The following HTT variants were observed in gnomAD, a reference collection of about 807,000 sequenced individuals.
HTT encodes huntington disease protein.
Under a neutral mutation model 362.3 loss-of-function variants are expected in HTT, and 104 were observed. That is an observed-to-expected ratio of 0.29 (90% CI 0.24 to 0.34). HTT has a LOEUF of 0.34. Ranked by LOEUF, HTT falls within the 10% of genes least tolerant of loss-of-function variation. The pLI, the probability that HTT is intolerant of heterozygous loss-of-function variation, is 1.00. For synonymous variants in HTT, 1,577 were observed against 1,548.7 expected (o/e 1.02, Z -0.43); for missense variants, 3,301 against 3,928.6 (o/e 0.84, Z 4.27).
At chr4:3,217,190 A>G (rs1184752587) in intron 51 of HTT, among the ~76,000 whole-genome samples, 2 of 152,108 alleles carry the variant, frequency 1.3e-5, no homozygotes, top group Non-Finnish European at 2.9e-5. Flanking sequence ...AACAAATCAT[A>G]TTTTAGTAGG....
intron 6 of HTT, among the ~76,000 whole-genome samples, chr4:3,109,700 A>G (rs1714636509): frequency 6.6e-6 from 1 of 151,996 alleles, no homozygotes; most frequent in South Asian, 2.1e-4. Flanking sequence ...ATTTGATGAG[A>G]AAGCTGTGTT....
chr4:3,141,491 G>A (rs1195600472), intron 22 of HTT, among the ~76,000 whole-genome samples: 13 of 152,114 alleles, frequency 8.5e-5, no homozygotes, highest in African/African-American at 2.7e-4. Flanking sequence ...GGCTGGGTGC[G>A]GTGGCTCACG....
intron 18 of HTT, among the ~76,000 whole-genome samples, chr4:3,133,745 AC>A (rs1454440828): frequency 6.6e-6 from 1 of 152,120 alleles, no homozygotes; most frequent in Non-Finnish European, 1.5e-5. Flanking sequence ...AAAGCAAAAA[AC>A]CTACAATTGT....
chr4:3,140,640 G>A lies in HTT; in HGVS notation c.2929G>A (p.Val977Ile), dbSNP rs758715607. 8.1e-6 allele frequency: 13 copies of A among 1,613,904 alleles called. No individual in the cohort carries two copies. The East Asian group carries it at 8.9e-5, about 11-fold the overall frequency. ...GACGCAGCCTCCATCTCATTTCTCC[G>A]TCAGCACAATAACCAGGTATGCTGA... ...HETQPPSHFS[V>I]STITRIYRGY... Residue 977 changes from valine to isoleucine, a missense_variant, in exon 22 of 67, where the codon GTC (valine) becomes ATC (isoleucine). Physicochemically the swap from Val to Ile is conservative, Grantham distance 29. Transcript: ENST00000355072.
intron 8 of HTT, among the ~76,000 whole-genome samples, chr4:3,119,025 T>C (rs978927769): frequency 1.3e-5 from 2 of 152,216 alleles, no homozygotes; most frequent in African/African-American, 4.8e-5. Context: ...ATTTTAGATA[T>C]GCAGGAACTT....
intron 5 of HTT, among the ~76,000 whole-genome samples, chr4:3,106,437 TC>T (rs1290055250): frequency 6.6e-6 from 1 of 152,212 alleles, no homozygotes; most frequent in Non-Finnish European, 1.5e-5. Flanking sequence ...TAATCTTTTT[TC>T]TTTTACTATC....
At position 3,181,400 on chromosome 4, in the gene HTT, T is replaced by C. The variant is rs531946099; in HGVS notation, c.4749+749T>C. On this transcript the variant is annotated intron_variant, in intron 36 of 66. Coordinates refer to ENST00000355072, the MANE Select transcript of HTT (RefSeq NM_001388492.1). ...ATATTTATTTACCACTATTTTGACA[T>C]AGGGCTAAGGTCTTTTTCTTTGAGC... 2.0e-5 allele frequency among the ~76,000 whole-genome samples: 3 copies of C among 152,356 alleles called. No individual in the cohort carries two copies. The East Asian group carries it at 5.8e-4, about 29-fold the overall frequency.
At position 3,223,438 on chromosome 4, in the gene HTT, G is replaced by A; in HGVS notation, c.7503G>A (p.Leu2501=). 6.2e-7 allele frequency: 1 copy of A among 1,606,360 alleles called. No homozygotes were observed. The highest frequency in any genetic ancestry group is 1.1e-5 in the South Asian group (1 of 90,128). ...CAGAGAGGACCCAGATCAACGTCCT[G>A]GCCGTGCAGGCCATCACCTCACTGG... ...EDTERTQINV[L]AVQAITSLVL... Residue 2501 remains leucine (L), a synonymous_variant, in exon 55 of 67, where the codon CTG becomes CTA. Coordinates refer to ENST00000355072, the MANE Select transcript of HTT (RefSeq NM_001388492.1).
intron 31 of HTT, 40 bp from the exon 32 acceptor site, chr4:3,174,681 T>C (rs1560579818): frequency 6.8e-7 from 1 of 1,467,994 alleles, no homozygotes; most frequent in African/African-American, 1.4e-5. Flanking sequence ...TATTTAAAGA[T>C]ATTCTCATTC....
In HTT at chr4:3,135,985, G is replaced by A. The variant is rs752694568; in HGVS notation, c.2697+18G>A. 3.9e-6 allele frequency: 6 copies of A among 1,554,650 alleles called. No homozygotes were observed. Among genetic ancestry groups the A allele is most frequent in the Non-Finnish European group, 5.2e-6 (6 of 1,146,234 alleles). On this transcript the variant is annotated intron_variant, in intron 20 of 66. Coordinates refer to ENST00000355072, the MANE Select transcript of HTT (RefSeq NM_001388492.1). ...ATACAGGGGTAAGCGGTTTATTTTT[G>A]TGAGATGCTGTTTTACCTTCAAGAA...
intron 1 of HTT, among the ~76,000 whole-genome samples, chr4:3,081,989 CTG>C (rs1712937862): frequency 1.3e-5 from 2 of 152,110 alleles, no homozygotes; most frequent in South Asian, 2.1e-4. Context: ...TCTTGCAAGT[CTG>C]TCATCTTTGT....
intron 8 of HTT, among the ~76,000 whole-genome samples, chr4:3,117,848 CAAAA>C (rs1715107148): frequency 1.3e-5 from 2 of 152,122 alleles, no homozygotes; most frequent in African/African-American, 4.8e-5. Flanking sequence ...AACAAAACTG[CAAAA>C]CAACGTCACA....
At chr4:3,197,494 A>G (rs950959774) in intron 40 of HTT, among the ~76,000 whole-genome samples, 1 of 152,014 alleles carries the variant, frequency 6.6e-6, no homozygotes, top group East Asian at 1.9e-4. Context: ...ATCTACTAGG[A>G]GGTGGCCCTC....
At chr4:3,092,267 G>A (rs182143848) in intron 2 of HTT, among the ~76,000 whole-genome samples, 44 of 152,180 alleles carry the variant, frequency 2.9e-4, no homozygotes, top group Admixed American at 1.3e-3. Context: ...CATGATCCGC[G>A]CCCCTCGGCC....
intron 61 of HTT, among the ~76,000 whole-genome samples, chr4:3,234,696 G>C (rs975278052): frequency 6.6e-5 from 10 of 152,218 alleles, no homozygotes; most frequent in Non-Finnish European, 1.2e-4. Flanking sequence ...CAGAGGGGCC[G>C]TGTCACGTGC....
At chr4:3,090,252 C>T (rs1056182299) in intron 2 of HTT, among the ~76,000 whole-genome samples, 1 of 152,208 alleles carries the variant, frequency 6.6e-6, no homozygotes, top group Non-Finnish European at 1.5e-5. Context: ...GCTTTAAGCT[C>T]TCTAAAGTGG....
rs913563344 is a variant in HTT, at chr4:3,129,839, T to C, written c.1744-85T>C. Reference sequence around the variant, plus strand: ...TGTGTTCTGTGTGTAAAATGTGCTCTTTCCTCATTGCACTTCCATGTTGGA... The same window carrying C: ...TGTGTTCTGTGTGTAAAATGTGCTCCTTCCTCATTGCACTTCCATGTTGGA... On this transcript the variant is annotated intron_variant, in intron 12 of 66. Coordinates refer to ENST00000355072, the MANE Select transcript of HTT (RefSeq NM_001388492.1). The C allele has an allele frequency of 7.9e-6, 12 of 1,525,248 alleles. No homozygotes were observed. The African/African-American group carries it at 1.6e-4, about 21-fold the overall frequency. The allele number at this position is 1,525,248 out of a possible 1,614,324, so 94.5% of individuals were successfully genotyped here. A position where few individuals can be genotyped will look rare whatever the true frequency, so the allele number is the denominator to read the frequency against.
chr4:3,180,886 T>C (rs1256395241), intron 36 of HTT: 5 of 332,804 alleles, frequency 1.5e-5, no homozygotes, highest in Admixed American at 4.9e-5. Context: ...GTATCCTTTT[T>C]TTTTTTTTGA....
At position 3,240,323 on chromosome 4, in the gene HTT, G is replaced by A. The variant is rs561380440; in HGVS notation, c.*264G>A. 1.5e-5 allele frequency: 8 copies of A among 532,236 alleles called. No individual in the cohort carries two copies. In the South Asian group the frequency reaches 1.8e-4, roughly 12 times the overall value. The allele number at this position is 532,236 out of a possible 1,614,324, so 33.0% of individuals were successfully genotyped here. A position where few individuals can be genotyped will look rare whatever the true frequency, so the allele number is the denominator to read the frequency against. ...GAGCAGCTGTGCTGCACCCCATGTG[G>A]GTGACCAGGTCCTTTCTCCTGATAG... is the stretch of plus-strand genomic sequence containing the variant. On this transcript the variant is annotated 3_prime_UTR_variant, in exon 67 of 67. Coordinates refer to ENST00000355072, the MANE Select transcript of HTT (RefSeq NM_001388492.1).
Sources: allele counts gnomAD v4.1 joint callset (sites outside exome capture counted in the v4.1 genomes callset), GRCh38; gene constraint gnomAD v4.1.1; transcripts MANE v1.5; gene names NCBI Gene and HGNC (gene_info 2026-07-23, HGNC 2026-07-21).